Variants in STK26 observed in about 807,000 individuals in gnomAD.
STK26 encodes serine/threonine kinase 26.
Under a neutral mutation model 34.7 loss-of-function variants are expected in STK26, and 14 were observed. The ratio of observed to expected loss-of-function variants is 0.40; its 90% CI spans 0.27 to 0.63. The LOEUF is 0.63. Ranked by LOEUF, STK26 falls within the 30% of genes least tolerant of loss-of-function variation. The pLI is 0.38. For missense variants in STK26, 226 were observed against 309.1 expected, an observed-to-expected ratio of 0.73 and a Z score of 2.02; for synonymous variants, 100 against 109.8, an observed-to-expected ratio of 0.91 and a Z score of 0.56.
intron 4 of STK26, among the ~76,000 whole-genome samples, chrX:132,063,755 T>G (rs188509499): frequency 3.3e-4 from 37 of 112,252 alleles, no homozygotes; most frequent in Non-Finnish European, 9.4e-5. Context: ...AGGGGATGTG[T>G]GTATCCATTG....
chrX:132,063,555 A>T, intron 4 of STK26, 66 bp downstream of exon 4: 4 of 1,024,726 alleles, frequency 3.9e-6, no homozygotes, highest in Non-Finnish European at 5.4e-6. Context: ...TTAATTTTTT[A>T]AATTGAAGAT....
At chrX:132,043,864 A>G (rs1199221969) in intron 2 of STK26, among the ~76,000 whole-genome samples, 1 of 111,556 alleles carries the variant, frequency 9.0e-6, no homozygotes, top group African/African-American at 3.3e-5. Context: ...CTTTGAGTAT[A>G]GCTCCGTATT....
chrX:132,032,901 T>C (rs2124131410), intron 2 of STK26, among the ~76,000 whole-genome samples: 1 of 111,289 alleles, frequency 9.0e-6, no homozygotes, highest in South Asian at 3.8e-4. Context: ...TTTTGGCAGG[T>C]GGAGGAAATA....
intron 2 of STK26, among the ~76,000 whole-genome samples, chrX:132,037,250 C>T (rs1926086565): frequency 1.8e-5 from 2 of 111,751 alleles, no homozygotes; most frequent in Non-Finnish European, 3.8e-5. Flanking sequence ...ACACATGATG[C>T]ACTTTTATTG....
At chrX:132,066,645 A>T (rs1391559267) in intron 4 of STK26, among the ~76,000 whole-genome samples, 3 of 112,491 alleles carry the variant, frequency 2.7e-5, no homozygotes, top group Admixed American at 9.4e-5. Context: ...ATTGAATTTT[A>T]ACATGAACCT....
intron 3 of STK26, among the ~76,000 whole-genome samples, chrX:132,062,399 T>G (rs1036919604): frequency 8.9e-6 from 1 of 112,515 alleles, no homozygotes. Flanking sequence ...GTTTTAGAAT[T>G]TGTATACATA....
chrX:132,050,476 C>G (rs1926648086), intron 2 of STK26, among the ~76,000 whole-genome samples: 1 of 111,693 alleles, frequency 9.0e-6, no homozygotes, highest in African/African-American at 3.3e-5. Flanking sequence ...GGTGCATACT[C>G]AAGTCATGCA....
intron 2 of STK26, among the ~76,000 whole-genome samples, chrX:132,031,983 C>T (rs775291154): frequency 1.4e-3 from 156 of 111,212 alleles, no homozygotes; most frequent in Non-Finnish European, 1.8e-3. Context: ...TCACCTGACG[C>T]GAACATTCAG....
intron 2 of STK26, among the ~76,000 whole-genome samples, chrX:132,040,858 C>T (rs1255527768): frequency 1.8e-5 from 2 of 111,636 alleles, no homozygotes; most frequent in Non-Finnish European, 3.8e-5. Flanking sequence ...TCAGGCTTTA[C>T]CAATGCCACT....
chrX:132,060,565 G>GT (rs751730861), intron 3 of STK26, among the ~76,000 whole-genome samples: 145 of 105,846 alleles, frequency 1.4e-3, no homozygotes, highest in South Asian at 0.012. Context: ...TTGATTTTGT[G>GT]TTTTTTTTGT....
intron 3 of STK26, among the ~76,000 whole-genome samples, chrX:132,059,088 C>G (rs1471132323): frequency 1.8e-5 from 2 of 111,572 alleles, no homozygotes; most frequent in African/African-American, 6.5e-5. Flanking sequence ...TTTTTCTAAA[C>G]TAAAATCACG....
chrX:132,038,205 C>T (rs1321123), intron 2 of STK26, among the ~76,000 whole-genome samples: 129 of 111,385 alleles, frequency 1.2e-3, no homozygotes, highest in African/African-American at 3.8e-3. Flanking sequence ...AAGGGGAAAT[C>T]CTTTGCTTTA....
chrX:132,042,600 TTAGA>T (rs920043297), intron 2 of STK26, among the ~76,000 whole-genome samples: 9 of 111,580 alleles, frequency 8.1e-5, no homozygotes, highest in Non-Finnish European at 1.1e-4. Context: ...TTTTAAAGAA[TTAGA>T]TAGAGTAATA....
intron 4 of STK26, among the ~76,000 whole-genome samples, chrX:132,067,260 G>A (rs1927253518): frequency 9.0e-6 from 1 of 111,430 alleles, no homozygotes; most frequent in Non-Finnish European, 1.9e-5. Flanking sequence ...AAATACACAA[G>A]GTGCCAAAGA....
intron 7 of STK26, among the ~76,000 whole-genome samples, 197 bp downstream of exon 7, chrX:132,069,860 T>G (rs987204354): frequency 9.0e-6 from 1 of 110,686 alleles, no homozygotes; most frequent in Non-Finnish European, 1.9e-5. Flanking sequence ...CTCCTTACCC[T>G]TCGTTTTTTT....
Position 132,069,408 on chromosome X carries a change from CACATATAT to C in STK26, c.598-68_598-61del, listed in dbSNP as rs1263956599. The C allele has an allele frequency of 7.2e-5, 9 of 124,322 alleles. No homozygotes were observed. In the Admixed American group the frequency reaches 7.8e-4, roughly 11 times the overall value. 10.2% of individuals were successfully genotyped at this position (124,322 alleles called of 1,213,427 possible). On this transcript the variant is annotated intron_variant, in intron 6 of 11. Transcript: ENST00000394334. Reference sequence around the variant, plus strand: ...AGTTTCAAGGTGATATACATACATACACATATATATATATATATATATATATATATATA... The same window carrying C: ...AGTTTCAAGGTGATATACATACATACATATATATATATATATATATATATA...
At chrX:132,062,287 A>G (rs1408226565) in intron 3 of STK26, among the ~76,000 whole-genome samples, 20 of 112,104 alleles carry the variant, frequency 1.8e-4, no homozygotes, top group Non-Finnish European at 3.8e-4. Flanking sequence ...ATGGAGAGAG[A>G]GGTGTCCCTT....
intron 2 of STK26, among the ~76,000 whole-genome samples, chrX:132,036,257 T>C (rs756682946): frequency 4.4e-5 from 5 of 112,519 alleles, no homozygotes; most frequent in Non-Finnish European, 9.4e-5. Context: ...ATCAAAGATT[T>C]GCCACCAATG....
intron 2 of STK26, among the ~76,000 whole-genome samples, chrX:132,025,647 CTTTTTT>C (rs57313614): frequency 2.4e-5 from 2 of 81,711 alleles, no homozygotes; most frequent in Admixed American, 1.4e-4. Context: ...AGAGAGGAAT[CTTTTTT>C]TTTTTTTTTT....
Sources: gnomAD v4.1 joint callset for allele counts (sites outside exome capture counted in the v4.1 genomes callset) on GRCh38, gnomAD v4.1.1 for gene constraint, MANE v1.5 for transcripts, NCBI Gene and HGNC (gene_info 2026-07-23, HGNC 2026-07-21) for gene names.